Variants in RANBP2 observed in about 807,000 individuals in gnomAD.
The protein encoded by RANBP2 is E3 SUMO-protein ligase RanBP2.
RANBP2 carries 57 observed loss-of-function variants against 303.6 expected under a neutral mutation model. That is an observed-to-expected ratio of 0.19 (90% CI 0.15 to 0.23). The LOEUF (loss-of-function observed/expected upper bound fraction) is 0.23, where lower values mean the gene tolerates loss of function less well. RANBP2 is among the 10% of genes least tolerant of loss of function. The pLI is 1.00. For missense variants in RANBP2, 3,138 were observed against 3,780.8 expected (o/e 0.83, Z 4.46); for synonymous variants, 1,167 against 1,301.5 (o/e 0.90, Z 2.23).
the RANBP2 span, among the ~76,000 whole-genome samples, chr2:108,857,883 CAG>C: frequency 6.6e-6 from 1 of 152,146 alleles, no homozygotes; most frequent in South Asian, 2.1e-4. Context: ...CTGAATATGA[CAG>C]AGATGGCATC....
At chr2:109,498,046 G>A in the RANBP2 span, among the ~76,000 whole-genome samples, 3 of 152,136 alleles carry the variant, frequency 2.0e-5, no homozygotes, top group African/African-American at 4.8e-5. Context: ...TTCACAGACC[G>A]CTGGCTGCAT....
At chr2:109,499,326 T>G in the RANBP2 span, among the ~76,000 whole-genome samples, 1 of 152,136 alleles carries the variant, frequency 6.6e-6, no homozygotes, top group Non-Finnish European at 1.5e-5. Flanking sequence ...AGTGGGTGTC[T>G]GAGGGACCGT....
the RANBP2 span, among the ~76,000 whole-genome samples, chr2:109,391,222 G>A: frequency 6.6e-6 from 1 of 152,250 alleles, no homozygotes; most frequent in South Asian, 2.1e-4. Context: ...CTGCACCTGC[G>A]TTTTAAACTT....
the RANBP2 span, among the ~76,000 whole-genome samples, chr2:109,511,306 C>G: frequency 2.0e-5 from 3 of 152,248 alleles, no homozygotes; most frequent in African/African-American, 7.2e-5. Flanking sequence ...CCCACAGCCA[C>G]AACAAGTTCT....
At chr2:108,970,144 C>A in the RANBP2 span, among the ~76,000 whole-genome samples, 2 of 152,126 alleles carry the variant, frequency 1.3e-5, no homozygotes, top group African/African-American at 4.8e-5. Flanking sequence ...GAGCTTTGCA[C>A]TGAGAGGGGA....
At chr2:109,300,483 C>G in the RANBP2 span, among the ~76,000 whole-genome samples, 1 of 152,150 alleles carries the variant, frequency 6.6e-6, no homozygotes, top group Non-Finnish European at 1.5e-5. Flanking sequence ...CCCATCCGCA[C>G]CCTGAGTTTT....
chr2:108,825,694 T>C, the RANBP2 span, among the ~76,000 whole-genome samples: 1 of 152,218 alleles, frequency 6.6e-6, no homozygotes, highest in Non-Finnish European at 1.5e-5. Context: ...TATTTACCCA[T>C]ATCACTTGAT....
chr2:109,590,979 GCCA>G, the RANBP2 span, among the ~76,000 whole-genome samples: 1 of 152,156 alleles, frequency 6.6e-6, no homozygotes, highest in Non-Finnish European at 1.5e-5. Flanking sequence ...AGGAAGATGG[GCCA>G]CGTCTGGCCT....
At chr2:109,532,664 C>T in the RANBP2 span, among the ~76,000 whole-genome samples, 3 of 152,070 alleles carry the variant, frequency 2.0e-5, no homozygotes, top group Admixed American at 6.5e-5. Context: ...CCAAAGGCCT[C>T]GGGAGAGAGA....
At chr2:109,378,876 CAT>C in the RANBP2 span, among the ~76,000 whole-genome samples, 1 of 152,180 alleles carries the variant, frequency 6.6e-6, no homozygotes, top group Non-Finnish European at 1.5e-5. Context: ...ATAGTTCCCT[CAT>C]ATGAATGCCC....
At chr2:109,572,101 C>G in the RANBP2 span, among the ~76,000 whole-genome samples, 1 of 152,192 alleles carries the variant, frequency 6.6e-6, no homozygotes, top group Non-Finnish European at 1.5e-5. Flanking sequence ...TCCCAAAAGT[C>G]TTAGAGTGAG....
At chr2:109,258,462 T>C in the RANBP2 span, among the ~76,000 whole-genome samples, 1 of 152,112 alleles carries the variant, frequency 6.6e-6, no homozygotes, top group African/African-American at 2.4e-5. Context: ...CCTCGGGCCC[T>C]CAGCACAGCC....
At chr2:108,833,948 G>C in the RANBP2 span, among the ~76,000 whole-genome samples, 10 of 119,856 alleles carry the variant, frequency 8.3e-5, no homozygotes, top group African/African-American at 3.2e-4. Flanking sequence ...GGGTTTCACT[G>C]TGTTAGCCAG....
chr2:109,402,721 G>A, the RANBP2 span, among the ~76,000 whole-genome samples: 1 of 152,240 alleles, frequency 6.6e-6, no homozygotes, highest in Admixed American at 6.5e-5. Context: ...ACAGGATGGT[G>A]AAGTGTACAA....
the RANBP2 span, among the ~76,000 whole-genome samples, chr2:109,040,928 T>C: frequency 6.6e-5 from 10 of 151,986 alleles, no homozygotes; most frequent in Non-Finnish European, 1.3e-4. Context: ...TGGTGGTGGG[T>C]GCCTGTAGTC....
chr2:109,679,667 A>G, the RANBP2 span, among the ~76,000 whole-genome samples: 1 of 152,216 alleles, frequency 6.6e-6, no homozygotes, highest in South Asian at 2.1e-4. Context: ...CAAACCCCAC[A>G]TTGCCTCAAT....
chr2:108,977,139 C>T, the RANBP2 span, among the ~76,000 whole-genome samples: 1 of 152,166 alleles, frequency 6.6e-6, no homozygotes, highest in Admixed American at 6.5e-5. Flanking sequence ...TGGCCCGGGC[C>T]TGGGTTTTCC....
chr2:109,344,159 C>T, the RANBP2 span, among the ~76,000 whole-genome samples: 4 of 152,218 alleles, frequency 2.6e-5, no homozygotes, highest in African/African-American at 4.8e-5. Context: ...GCAGGGAGAA[C>T]ACTCCTGGGT....
the RANBP2 span, among the ~76,000 whole-genome samples, chr2:108,861,021 G>A: frequency 2.2e-5 from 3 of 134,552 alleles, no homozygotes; most frequent in East Asian, 7.0e-4. Flanking sequence ...TCTGTTCAGG[G>A]TTTCAATTTC....
Sources: gnomAD v4.1 joint callset for allele counts (sites outside exome capture counted in the v4.1 genomes callset) on GRCh38, gnomAD v4.1.1 for gene constraint, MANE v1.5 for transcripts, NCBI Gene and HGNC (gene_info 2026-07-23, HGNC 2026-07-21) for gene names.